PAX7: variants seen among roughly 807,000 people sequenced by gnomAD.
The protein encoded by PAX7 is paired box protein Pax-7.
In PAX7, 18 loss-of-function variants were observed where a neutral mutation model predicts 50.7. The observed-to-expected ratio is 0.36, with a 90% CI of 0.25 to 0.53. PAX7 has a LOEUF of 0.53. PAX7 is among the 20% of genes least tolerant of loss of function. The pLI is 0.93. For synonymous variants in PAX7, 310 were observed against 290.4 expected, an observed-to-expected ratio of 1.07 and a Z score of -0.69; for missense variants, 644 against 702.9, an observed-to-expected ratio of 0.92 and a Z score of 0.95.
At chr1:18,710,757 A>AT (rs907794224) in intron 7 of PAX7, among the ~76,000 whole-genome samples, 17 of 152,030 alleles carry the variant, frequency 1.1e-4, no homozygotes, top group African/African-American at 3.4e-4. Context: ...TTTTATTGCA[A>AT]TTTTTTTATT....
At chr1:18,717,237 G>GC (rs1421192376) in intron 7 of PAX7, among the ~76,000 whole-genome samples, 2 of 152,112 alleles carry the variant, frequency 1.3e-5, no homozygotes, top group Admixed American at 6.5e-5. Flanking sequence ...GCGCCTGGCC[G>GC]CCCCCCGGAC....
At chr1:18,707,763 C>T (rs2089302438) in intron 7 of PAX7, among the ~76,000 whole-genome samples, 1 of 152,146 alleles carries the variant, frequency 6.6e-6, no homozygotes, top group South Asian at 2.1e-4. Context: ...GTCTTCCTGC[C>T]TCTCAGAAAT....
intron 5 of PAX7, among the ~76,000 whole-genome samples, chr1:18,698,184 T>G (rs913543757): frequency 1.3e-5 from 2 of 151,966 alleles, no homozygotes; most frequent in Non-Finnish European, 2.9e-5. Flanking sequence ...TCACCTATTA[T>G]CTATATTGTT....
rs180894546 is a variant in PAX7, at chr1:18,737,331, C to T, written c.1402+1453C>T. On this transcript the variant is annotated intron_variant, in intron 8 of 8. Transcript: ENST00000420770. ...TTTCTGACCTCTGCTTCCTGCCCAC[C>T]CCCCCAAACCCACTCCTCTTCACGT... Among the ~76,000 whole-genome samples the T allele has an allele frequency of 2.6e-5, 4 of 152,350 alleles. No homozygotes were observed. The East Asian group carries it at 7.7e-4, about 29-fold the overall frequency.
chr1:18,634,981 G>C lies in PAX7; in HGVS notation c.322-130G>C. ...CTTGAAAGGATAAAGCCAATCTCTT[G>C]GGGGATGGGGGGACACAAGGTAACC... On this transcript the variant is annotated intron_variant, in intron 2 of 8. Transcript: ENST00000420770. This position sits in a 1 kb window ranked among gnomAD's most constrained non-coding sequence, Gnocchi z 4.0. 1 of 1,164,376 alleles carries C rather than the reference G, an allele frequency of 8.6e-7. No individual in the cohort carries two copies. Among genetic ancestry groups the C allele is most frequent in the South Asian group, 1.7e-5 (1 of 60,240 alleles). 72.1% of individuals were successfully genotyped at this position (1,164,376 alleles called of 1,614,324 possible).
chr1:18,665,671 C>CAT (rs1557517686), intron 4 of PAX7, among the ~76,000 whole-genome samples: 2 of 71,778 alleles, frequency 2.8e-5, no homozygotes, highest in East Asian at 2.5e-4. Flanking sequence ...CTGCGCCCAG[C>CAT]CTTTTTTTTT....
At chr1:18,678,878 A>T (rs758933109) in intron 4 of PAX7, among the ~76,000 whole-genome samples, 32 of 152,272 alleles carry the variant, frequency 2.1e-4, no homozygotes, top group Non-Finnish European at 4.6e-4. Flanking sequence ...CTGGCATGGC[A>T]CGCTCAGAAG....
chr1:18,693,952 G>C (rs188632339), intron 5 of PAX7, among the ~76,000 whole-genome samples: 6 of 152,310 alleles, frequency 3.9e-5, no homozygotes, highest in South Asian at 4.1e-4. Flanking sequence ...AGAGGCAGCC[G>C]GAGCCCAGGC....
intron 4 of PAX7, among the ~76,000 whole-genome samples, chr1:18,670,719 G>A (rs888885555): frequency 2.0e-4 from 31 of 152,258 alleles, no homozygotes; most frequent in Admixed American, 1.1e-3. Flanking sequence ...CCAGCCAGCC[G>A]GCAGGGGCTG....
Position 18,735,023 on chromosome 1 carries a change from G to A in PAX7, c.1156-609G>A, listed in dbSNP as rs1557559626. Among the ~76,000 whole-genome samples the A allele has an allele frequency of 6.6e-6, 1 of 152,212 alleles. No homozygotes were observed. Among genetic ancestry groups the A allele is most frequent in the Non-Finnish European group, 1.5e-5 (1 of 68,038 alleles). On this transcript the variant is annotated intron_variant, in intron 7 of 8. Transcript: ENST00000420770. The surrounding 1 kb of genome is among the most constrained non-coding windows in gnomAD (Gnocchi z 4.0). Reference sequence around the variant, plus strand: ...AGGAGGGGATGCTCACAGACCTCAGGAGCTGGTAGAATCAAAGGAAGGGGC... The same window carrying A: ...AGGAGGGGATGCTCACAGACCTCAGAAGCTGGTAGAATCAAAGGAAGGGGC...
In PAX7 at chr1:18,747,789, A is replaced by C. The variant is rs1570256693; in HGVS notation, c.*2860A>C. On this transcript the variant is annotated 3_prime_UTR_variant, in exon 9 of 9. Coordinates refer to ENST00000420770, the MANE Select transcript of PAX7 (RefSeq NM_001135254.2). ...GGTGATGTGCTGTTCGTTTATAGAA[A>C]GCTGACTTTTTATAAATATATATAT... 1 of 194,088 alleles carries C rather than the reference A, an allele frequency of 5.2e-6. No individual in the cohort carries two copies. The highest frequency in any genetic ancestry group is 8.0e-5 in the East Asian group (1 of 12,426). 12.0% of individuals were successfully genotyped at this position (194,088 alleles called of 1,614,324 possible).
intron 7 of PAX7, among the ~76,000 whole-genome samples, chr1:18,709,406 C>A (rs1007640843): frequency 6.6e-6 from 1 of 152,246 alleles, no homozygotes; most frequent in African/African-American, 2.4e-5. Context: ...ACACACCGAC[C>A]TAATGAAGAA....
chr1:18,682,898 C>T (rs2088919608), intron 4 of PAX7, among the ~76,000 whole-genome samples: 1 of 152,192 alleles, frequency 6.6e-6, no homozygotes, highest in African/African-American at 2.4e-5. Flanking sequence ...CCCCTCCCTG[C>T]TCCTGTACCC....
chr1:18,663,736 G>A (rs1336360207), intron 4 of PAX7, among the ~76,000 whole-genome samples: 1 of 152,212 alleles, frequency 6.6e-6, no homozygotes, highest in African/African-American at 2.4e-5. Flanking sequence ...GGATAATTTG[G>A]GGTACGTGGA....
chr1:18,634,210 C>G lies in PAX7; in HGVS notation c.86-93C>G. Reference sequence around the variant, plus strand: ...GCTGTCTGAGGTCTTGGGGCTCAAACAAACAAAACTGGAGTCAGGGAGTGT... The same window carrying G: ...GCTGTCTGAGGTCTTGGGGCTCAAAGAAACAAAACTGGAGTCAGGGAGTGT... On this transcript the variant is annotated intron_variant, in intron 1 of 8. Coordinates refer to ENST00000420770, the MANE Select transcript of PAX7 (RefSeq NM_001135254.2). This position sits in a 1 kb window ranked among gnomAD's most constrained non-coding sequence, Gnocchi z 4.0. 2 of 1,044,246 alleles carry G rather than the reference C, an allele frequency of 1.9e-6. No individual in the cohort carries two copies. Among genetic ancestry groups the G allele is most frequent in the East Asian group, 2.6e-5 (1 of 38,234 alleles). 64.7% of individuals were successfully genotyped at this position (1,044,246 alleles called of 1,614,324 possible).
At chr1:18,663,250 C>CAA (rs1374796504) in intron 4 of PAX7, among the ~76,000 whole-genome samples, 1 of 152,226 alleles carries the variant, frequency 6.6e-6, no homozygotes, top group Admixed American at 6.5e-5. Flanking sequence ...TCATCACTTC[C>CAA]ACCTGTTAAC....
intron 7 of PAX7, among the ~76,000 whole-genome samples, chr1:18,706,455 TCTCTC>T (rs940276548): frequency 7.4e-6 from 1 of 134,692 alleles, no homozygotes; most frequent in African/African-American, 2.9e-5. Context: ...TTTCTCTCTC[TCTCTC>T]TTTTTTTTTT....
At chr1:18,711,348 C>A (rs1159763269) in intron 7 of PAX7, among the ~76,000 whole-genome samples, 1 of 152,188 alleles carries the variant, frequency 6.6e-6, no homozygotes, top group African/African-American at 2.4e-5. Context: ...TAGGAGCTCA[C>A]TAAATGTGCC....
chr1:18,719,294 G>T (rs779159667), intron 7 of PAX7, among the ~76,000 whole-genome samples: 2 of 152,228 alleles, frequency 1.3e-5, no homozygotes, highest in Non-Finnish European at 2.9e-5. Flanking sequence ...GAGGTAACCC[G>T]TGTGGGCGAA....
Sources: gnomAD v4.1 joint callset for allele counts (sites outside exome capture counted in the v4.1 genomes callset) on GRCh38, gnomAD v4.1.1 for gene constraint, Gnocchi (gnomAD v3.1) non-coding constraint, MANE v1.5 for transcripts, NCBI Gene and HGNC (gene_info 2026-07-23, HGNC 2026-07-21) for gene names.